FAM240C: variants seen among roughly 807,000 people sequenced by gnomAD.
The protein encoded by FAM240C is family with sequence similarity 240 member C.
Under a neutral mutation model 10.0 loss-of-function variants are expected in FAM240C, and 14 were observed. The observed-to-expected ratio is 1.40, with a 90% confidence interval of 0.92 to 2.19. The LOEUF (loss-of-function observed/expected upper bound fraction) is 2.19, where lower values mean the gene tolerates loss of function less well. Among genes scored for constraint, FAM240C ranks in the 30% most tolerant of loss-of-function variants. The pLI is 0.00. For synonymous variants in FAM240C, 49 were observed against 44.3 expected (o/e 1.11, Z -0.42); for missense variants, 154 against 122.3 (o/e 1.26, Z -1.22).
At chr2:241,901,151 C>T (rs1246381218), upstream of FAM240C, among the ~76,000 whole-genome samples, 4 of 152,264 alleles carry the variant, frequency 2.6e-5, no homozygotes, top group East Asian at 5.8e-4. This position sits in a 1 kb window ranked among gnomAD's most constrained non-coding sequence, Gnocchi z 4.9. Flanking sequence ...CGGGGGTCAC[C>T]GCGTCCGGAA....
At position 241,894,712 on chromosome 2, in the gene FAM240C, CCT is replaced by C. The variant is rs553465433; in HGVS notation, c.162-375_162-374del. 2.6e-3 allele frequency among the ~76,000 whole-genome samples: 395 copies of C among 152,310 alleles called. 5 individuals carry two copies. The highest frequency in any genetic ancestry group is 9.1e-3 in the African/African-American group (380 of 41,562). On this transcript the variant is annotated intron_variant, in intron 2 of 2. Transcript: ENST00000404031. ...TGTGCCTGAGCTTGAGCTCTTGCAG[CCT>C]CTGTCTCTGCTCTGCTCACGGAGAG...
chr2:241,899,227 C>T, intron 1 of FAM240C: 1 of 1,303,578 alleles, frequency 7.7e-7, no homozygotes, highest in Non-Finnish European at 1.0e-6. Context: ...TGGGGGCTTC[C>T]AGCTGCAGAG....
upstream of FAM240C, chr2:241,900,547 C>A: frequency 1.7e-6 from 1 of 603,056 alleles, no homozygotes. The surrounding 1 kb of genome is among the most constrained non-coding windows in gnomAD (Gnocchi z 4.5). Flanking sequence ...CCGTCCCTGG[C>A]AGAGCTGTCC....
upstream of FAM240C, among the ~76,000 whole-genome samples, chr2:241,902,332 GCCGCCGCCTCC>G (rs1559471256): frequency 2.8e-5 from 2 of 71,144 alleles, no homozygotes; most frequent in African/African-American, 9.8e-5. The surrounding 1 kb of genome is among the most constrained non-coding windows in gnomAD (Gnocchi z 7.1). Context: ...CCTCCCCTCC[GCCGCCGCCTCC>G]CCTCCGCCGC....
chr2:241,895,965 G>C (rs1382413557), intron 2 of FAM240C, among the ~76,000 whole-genome samples: 1 of 150,902 alleles, frequency 6.6e-6, no homozygotes, highest in African/African-American at 2.5e-5. Flanking sequence ...CTCGGTGGTG[G>C]GGGGGGGCCT....
At chr2:241,896,629 TGGGGTGTGGGTGAA>T (rs1559468404) in intron 2 of FAM240C, among the ~76,000 whole-genome samples, 1 of 3,466 alleles carries the variant, frequency 2.9e-4, no homozygotes, top group Non-Finnish European at 7.1e-4. Flanking sequence ...GTGTGGGTGT[TGGGGTGTGGGTGAA>T]GGGGTGTGGG....
At chr2:241,901,479 G>GT (rs147313921), upstream of FAM240C, among the ~76,000 whole-genome samples, 6,269 of 151,664 alleles carry the variant, frequency 0.041, 399 homozygotes, top group African/African-American at 0.14. This position sits in a 1 kb window ranked among gnomAD's most constrained non-coding sequence, Gnocchi z 4.9. Context: ...CTTCACAGTT[G>GT]TTTTTTTTTA....
rs1238124230 is a variant in FAM240C, at chr2:241,900,169, C to G, written c.12+189G>C. Among the ~76,000 whole-genome samples the G allele has an allele frequency of 1.3e-5, 2 of 152,184 alleles. No homozygotes were observed. The highest frequency in any genetic ancestry group is 2.9e-5 in the Non-Finnish European group (2 of 68,038). On this transcript the variant is annotated intron_variant, in intron 1 of 2. Coordinates refer to ENST00000404031, the MANE Select transcript of FAM240C (RefSeq NM_001382368.1). The surrounding 1 kb of genome is among the most constrained non-coding windows in gnomAD (Gnocchi z 4.5). Reference sequence around the variant, plus strand: ...GGTGATGGAGACACTCTCCCCCCACCAAAGGTGTTGACAGCAGGAATCCCA... The same window carrying G: ...GGTGATGGAGACACTCTCCCCCCACGAAAGGTGTTGACAGCAGGAATCCCA...
At chr2:241,901,685 C>T (rs1193307669), upstream of FAM240C, among the ~76,000 whole-genome samples, 1 of 152,176 alleles carries the variant, frequency 6.6e-6, no homozygotes. This position sits in a 1 kb window ranked among gnomAD's most constrained non-coding sequence, Gnocchi z 4.9. Context: ...GTGGAAGACG[C>T]CGGTGAGAAC....
Position 241,897,288 on chromosome 2 carries a change from T to C in FAM240C, c.59A>G (p.Tyr20Cys). ...LTLKNPGRVAYDSGGIKMFWE... is the reference protein window; with the variant it reads ...LTLKNPGRVACDSGGIKMFWE... ...AAACATCTTTATCCCGCCTGAATCG[T>C]ATGCTACTCTTCCAGGATTCTTAAG... The change falls in exon 2 of 3, where the codon TAC becomes TGC. Residue 20 changes from tyrosine (Y) to cysteine (C), a missense_variant. Transcript: ENST00000404031. 1.9e-6 allele frequency: 3 copies of C among 1,549,834 alleles called. No individual in the cohort carries two copies. Among genetic ancestry groups the C allele is most frequent in the South Asian group, 2.4e-5 (2 of 84,068 alleles).
At chr2:241,897,163 A>T in intron 2 of FAM240C, 23 bp downstream of exon 2, 7 of 1,548,318 alleles carry the variant, frequency 4.5e-6, no homozygotes, top group Non-Finnish European at 6.1e-6. Context: ...GGGGTCCCCG[A>T]TGCACTGCAC....
intron 2 of FAM240C, among the ~76,000 whole-genome samples, chr2:241,895,306 C>T (rs1428176123): frequency 6.6e-6 from 1 of 152,260 alleles, no homozygotes; most frequent in Non-Finnish European, 1.5e-5. Context: ...GTCCCACAGA[C>T]TTGGCGCCTC....
intron 1 of FAM240C, among the ~76,000 whole-genome samples, chr2:241,899,998 C>T (rs1489590731): frequency 1.3e-5 from 2 of 152,060 alleles, no homozygotes; most frequent in African/African-American, 2.4e-5. Context: ...ACCCGGGAGG[C>T]GGAGGTTGCA....
chr2:241,897,052 C>G (rs1031632437), intron 2 of FAM240C, 134 bp downstream of exon 2: 4 of 937,878 alleles, frequency 4.3e-6, no homozygotes, highest in Non-Finnish European at 6.3e-6. Flanking sequence ...TTTCACAGGC[C>G]TGGAGCTGAG....
rs533448552 is a variant in FAM240C at position 241,894,218 on chromosome 2, C to T, written c.283G>A (p.Ala95Thr). Residue 95 changes from alanine (A) to threonine (T), a missense_variant, in exon 3 of 3, where the codon GCC (alanine) becomes ACC (threonine). Physicochemically the swap from Ala to Thr is moderately conservative, Grantham distance 58 (BLOSUM62 0). Transcript: ENST00000404031. ...ESLHTKDKKA[A>T] is the part of the protein sequence containing the mutation. The stretch of plus-strand genomic sequence containing the variant: ...AGTCTGGAGCTCGTGGGCCCTCAGG[C>T]CGCCTTCTTGTCCTTGGTGTGGAGG... The T allele has an allele frequency of 1.3e-6, 2 of 1,549,162 alleles. No homozygotes were observed. Among genetic ancestry groups the T allele is most frequent in the African/African-American group, 1.4e-5 (1 of 73,150 alleles).
chr2:241,896,610 G>T (rs1464082456), intron 2 of FAM240C, among the ~76,000 whole-genome samples: 11 of 110,626 alleles, frequency 9.9e-5, no homozygotes, highest in Non-Finnish European at 1.6e-4. Context: ...AAGGGGTGTG[G>T]GTGTGGGGGT....
chr2:241,896,559 T>TGGGGTGTGGGTGAG (rs1701814767), intron 2 of FAM240C, among the ~76,000 whole-genome samples: 2 of 12,766 alleles, frequency 1.6e-4, no homozygotes, highest in African/African-American at 6.6e-4. Flanking sequence ...GTGTGTGTGT[T>TGGGGTGTGGGTGAG]GGGGTGTGGG....
At chr2:241,899,258 G>A in intron 1 of FAM240C, 3 of 1,295,262 alleles carry the variant, frequency 2.3e-6, no homozygotes, top group South Asian at 2.5e-5. Flanking sequence ...TGTGGCCTGC[G>A]CAGCCTGTTG....
intron 1 of FAM240C, 103 bp from the exon 2 acceptor site, chr2:241,897,437 A>G: frequency 7.3e-7 from 1 of 1,371,318 alleles, no homozygotes; most frequent in Non-Finnish European, 9.9e-7. Flanking sequence ...CTCAGCCTGC[A>G]GCATCGTGGT....
Sources: allele counts gnomAD v4.1 joint callset (sites outside exome capture counted in the v4.1 genomes callset), GRCh38; gene constraint gnomAD v4.1.1; non-coding constraint Gnocchi (gnomAD v3.1); transcripts MANE v1.5; gene names NCBI Gene and HGNC (gene_info 2026-07-23, HGNC 2026-07-21).